Variants in IL1RAPL1 observed in about 807,000 individuals in gnomAD.
IL1RAPL1 encodes the protein interleukin 1 receptor accessory protein like 1.
A neutral mutation model predicts 48.4 loss-of-function variants in IL1RAPL1; 3 were observed. That is an observed-to-expected ratio of 0.06 (90% CI 0.03 to 0.16). The LOEUF (loss-of-function observed/expected upper bound fraction) is 0.16, where lower values mean the gene tolerates loss of function less well. Ranked by LOEUF, IL1RAPL1 falls within the 10% of genes least tolerant of loss-of-function variation. The probability of loss-of-function intolerance (pLI) is 1.00; values close to 1 mark genes in which losing one functional copy is unlikely to be tolerated. For synonymous variants in IL1RAPL1, 185 were observed against 187.7 expected, an observed-to-expected ratio of 0.99 and a Z score of 0.12; for missense variants, 349 against 530.6, an observed-to-expected ratio of 0.66 and a Z score of 3.36.
rs866031122 is a variant in IL1RAPL1, at chrX:29,045,877, A to T, written c.83-237061A>T. Among the ~76,000 whole-genome samples the T allele has an allele frequency of 6.4e-4, 67 of 103,918 alleles. No individual in the cohort carries two copies. The Middle Eastern group carries it at 0.033, about 51-fold the overall frequency. 90.2% of individuals were successfully genotyped at this position (103,918 alleles called of 115,157 possible). On this transcript the variant is annotated intron_variant, in intron 2 of 10. Coordinates refer to ENST00000378993, the MANE Select transcript of IL1RAPL1 (RefSeq NM_014271.4). Reference sequence around the variant, plus strand: ...AGCCATTTTTAAAGATTATTTTTTAAATTTTTCTTCCTCCTCCTCCACCTC... The same window carrying T: ...AGCCATTTTTAAAGATTATTTTTTATATTTTTCTTCCTCCTCCTCCACCTC...
chrX:29,897,134 G>A (rs780429380), intron 6 of IL1RAPL1, among the ~76,000 whole-genome samples: 1 of 112,371 alleles, frequency 8.9e-6, no homozygotes, highest in African/African-American at 3.2e-5. Flanking sequence ...AGTGAAGGAA[G>A]TTATGTAGAA....
At chrX:29,191,830 T>C (rs1252595773) in intron 2 of IL1RAPL1, among the ~76,000 whole-genome samples, 1 of 111,716 alleles carries the variant, frequency 9.0e-6, no homozygotes, top group Non-Finnish European at 1.9e-5. Context: ...CCCAGGCATT[T>C]AGAAGCTCTT....
At position 29,149,770 on chromosome X, in the gene IL1RAPL1, T is replaced by C. The variant is rs189905833; in HGVS notation, c.83-133168T>C. On this transcript the variant is annotated intron_variant, in intron 2 of 10. Transcript: ENST00000378993. The stretch of plus-strand genomic sequence containing the variant: ...TACCCTTACACTCAATCCCAGAAGA[T>C]TGAGTTCAGAAGATGAAGATGTGGA... 6.3e-5 allele frequency among the ~76,000 whole-genome samples: 7 copies of C among 111,824 alleles called. No homozygotes were observed. The East Asian group carries it at 8.5e-4, about 14-fold the overall frequency.
intron 2 of IL1RAPL1, among the ~76,000 whole-genome samples, chrX:29,276,300 C>T (rs963277888): frequency 8.9e-6 from 1 of 111,991 alleles, no homozygotes; most frequent in African/African-American, 3.2e-5. Context: ...AGGAGACATA[C>T]ATGAGCTAAA....
chrX:28,965,969 C>T (rs765564925), intron 2 of IL1RAPL1, among the ~76,000 whole-genome samples: 1 of 111,103 alleles, frequency 9.0e-6, no homozygotes, highest in Admixed American at 9.6e-5. Flanking sequence ...CTCACGAAGC[C>T]CTTTTAATTC....
At chrX:29,395,038 A>T (rs1047756945) in intron 3 of IL1RAPL1, among the ~76,000 whole-genome samples, 3 of 112,010 alleles carry the variant, frequency 2.7e-5, no homozygotes, top group African/African-American at 9.7e-5. Flanking sequence ...AAGGAGGAGG[A>T]CTTAAGAGAT....
rs1257037778 is a variant in IL1RAPL1, at chrX:29,123,016, T to TATTG, written c.83-159919_83-159918insGATT. 3.4e-4 allele frequency among the ~76,000 whole-genome samples: 36 copies of TATTG among 107,128 alleles called. No homozygotes were observed. In the East Asian group the frequency reaches 0.01, roughly 30 times the overall value. 93.0% of individuals were successfully genotyped at this position (107,128 alleles called of 115,157 possible). A position where few individuals can be genotyped will look rare whatever the true frequency, so the allele number is the denominator to read the frequency against. ...TATAGAATAGCACGTTTTATTTATT[T>TATTG]ATTTATTTATTTATTTATTTATTTA... On this transcript the variant is annotated intron_variant, in intron 2 of 10. Transcript: ENST00000378993.
At chrX:28,901,329 C>G (rs1373718450) in intron 2 of IL1RAPL1, among the ~76,000 whole-genome samples, 1 of 111,739 alleles carries the variant, frequency 8.9e-6, no homozygotes, top group Non-Finnish European at 1.9e-5. Context: ...TACTGTTTTT[C>G]AATTAGGAAG....
At chrX:28,640,896 C>T (rs1326770662) in intron 1 of IL1RAPL1, among the ~76,000 whole-genome samples, 1 of 110,037 alleles carries the variant, frequency 9.1e-6, no homozygotes, top group Admixed American at 9.7e-5. Flanking sequence ...ATATCAAATC[C>T]CCAAACTTAA....
At chrX:29,114,618 T>C (rs1228965157) in intron 2 of IL1RAPL1, among the ~76,000 whole-genome samples, 1 of 111,800 alleles carries the variant, frequency 8.9e-6, no homozygotes, top group Admixed American at 9.6e-5. Flanking sequence ...TGTTTGGTTT[T>C]TCTTTTGTTG....
chrX:29,266,227 C>T (rs1447368601), intron 2 of IL1RAPL1, among the ~76,000 whole-genome samples: 1 of 112,026 alleles, frequency 8.9e-6, no homozygotes, highest in Non-Finnish European at 1.9e-5. Flanking sequence ...AAATGTCCAA[C>T]AATGATAGAC....
intron 1 of IL1RAPL1, among the ~76,000 whole-genome samples, chrX:28,761,964 T>C (rs1207396969): frequency 1.8e-5 from 2 of 111,660 alleles, no homozygotes; most frequent in Admixed American, 1.9e-4. Flanking sequence ...ATCTATAATA[T>C]GAGTCTAATA....
rs752527354 is a variant in IL1RAPL1, at chrX:29,745,431, G to GTTTTTTTTTTTTTTTTTTTTT, written c.778+76936_778+76956dup. 1.6e-4 allele frequency among the ~76,000 whole-genome samples: 4 copies of GTTTTTTTTTTTTTTTTTTTTT among 24,744 alleles called. 1 individual carries two copies. The highest frequency in any genetic ancestry group is 5.4e-4 in the African/African-American group (3 of 5,580). The allele number at this position is 24,744 out of a possible 115,157, so 21.5% of individuals were successfully genotyped here. A position where few individuals can be genotyped will look rare whatever the true frequency, so the allele number is the denominator to read the frequency against. On this transcript the variant is annotated intron_variant, in intron 6 of 10. Transcript: ENST00000378993. ...TCTCTTTATTCCTTAAGTTTTTTGT[G>GTTTTTTTTTTTTTTTTTTTTT]TTTTTTTTTTTTTTTTTTTTTTTTT...
At chrX:29,001,446 C>A (rs909940507) in intron 2 of IL1RAPL1, among the ~76,000 whole-genome samples, 4 of 111,300 alleles carry the variant, frequency 3.6e-5, no homozygotes, top group African/African-American at 1.3e-4. Context: ...ATTATAAGGC[C>A]ACATATCCGT....
intron 2 of IL1RAPL1, among the ~76,000 whole-genome samples, chrX:29,049,163 G>A (rs750324991): frequency 2.9e-4 from 33 of 112,220 alleles, no homozygotes; most frequent in African/African-American, 8.4e-4. Flanking sequence ...AAGGTAACAT[G>A]CATCCCACAA....
chrX:28,709,165 C>T (rs960219711), intron 1 of IL1RAPL1, among the ~76,000 whole-genome samples: 4 of 111,976 alleles, frequency 3.6e-5, no homozygotes, highest in Non-Finnish European at 5.6e-5. Context: ...GAGGAATTTG[C>T]AATTATCTGA....
chrX:29,123,257 T>A (rs1928834790), intron 2 of IL1RAPL1, among the ~76,000 whole-genome samples: 1 of 110,283 alleles, frequency 9.1e-6, no homozygotes, highest in Non-Finnish European at 1.9e-5. Flanking sequence ...CTCGAACTCC[T>A]GACCTCAAGT....
intron 2 of IL1RAPL1, among the ~76,000 whole-genome samples, chrX:28,822,255 AG>A (rs1227839603): frequency 9.0e-6 from 1 of 111,416 alleles, no homozygotes; most frequent in East Asian, 2.8e-4. Flanking sequence ...TTGTTAAACC[AG>A]GGTTTAGAAA....
intron 6 of IL1RAPL1, among the ~76,000 whole-genome samples, chrX:29,711,189 C>CTT (rs397896336): frequency 8.7e-5 from 8 of 91,434 alleles, no homozygotes; most frequent in African/African-American, 3.2e-4. Context: ...TTTTTCTTTT[C>CTT]TTTTTTTTTT....
Sources: allele counts gnomAD v4.1 joint callset (sites outside exome capture counted in the v4.1 genomes callset), GRCh38; gene constraint gnomAD v4.1.1; transcripts MANE v1.5; gene names NCBI Gene and HGNC (gene_info 2026-07-23, HGNC 2026-07-21).